COL4A3: variants seen among roughly 807,000 people sequenced by gnomAD.
COL4A3 encodes collagen type IV alpha 3 chain.
In COL4A3, 135 loss-of-function variants were observed where a neutral mutation model predicts 217.4. The observed-to-expected ratio is 0.62, with a 90% CI of 0.54 to 0.72. The LOEUF is 0.72. Ranked by LOEUF, COL4A3 falls within the 30% of genes least tolerant of loss-of-function variation. The probability of loss-of-function intolerance (pLI) is 0.00; values close to 1 mark genes in which losing one functional copy is unlikely to be tolerated. For synonymous variants in COL4A3, 690 were observed against 736.3 expected (o/e 0.94, Z 1.02); for missense variants, 1,868 against 2,119.9 (o/e 0.88, Z 2.33).
chr2:227,165,386 C>T (rs1010468031), intron 1 of COL4A3, among the ~76,000 whole-genome samples: 1 of 152,156 alleles, frequency 6.6e-6, no homozygotes, highest in Non-Finnish European at 1.5e-5. Context: ...ATTAAGAGCA[C>T]CTTAGAAATC....
intron 1 of COL4A3, among the ~76,000 whole-genome samples, chr2:227,222,180 A>AATAATAAT (rs2067844108): frequency 8.1e-6 from 1 of 123,558 alleles, no homozygotes; most frequent in African/African-American, 2.6e-5. Flanking sequence ...ATGATAATAA[A>AATAATAAT]AAGCTCCTTA....
chr2:227,182,953 T>A (rs1188103971), intron 1 of COL4A3, among the ~76,000 whole-genome samples: 1 of 152,222 alleles, frequency 6.6e-6, no homozygotes, highest in Non-Finnish European at 1.5e-5. Flanking sequence ...GTAAATGATT[T>A]ACTTAGGAGT....
In COL4A3 at chr2:227,290,043, G is replaced by C; in HGVS notation, c.3025G>C (p.Gly1009Arg). The change falls in exon 36 of 52, where the codon GGA becomes CGA. Residue 1009 changes from glycine (G) to arginine (R), a missense_variant. By Grantham distance (125) the Gly-to-Arg change is moderately radical. Around this residue, in one of 2 missense-constraint regions of COL4A3, gnomAD observed 1,503 missense variants for 1,786.1 expected, o/e 0.84. Transcript: ENST00000396578. The part of the protein sequence containing the change: ...LGSTGNPGEP[G>R]LRGIPGSMGN... The stretch of plus-strand genomic sequence containing the variant: ...CAGCACTGGGAATCCTGGAGAACCA[G>C]GACTGCGTGGTATACCAGGAAGCAT... The C allele has an allele frequency of 6.2e-7, 1 of 1,614,158 alleles. No individual in the cohort carries two copies. Among genetic ancestry groups the C allele is most frequent in the Non-Finnish European group, 8.5e-7 (1 of 1,180,026 alleles).
chr2:227,261,705 C>G (rs2070579723), intron 20 of COL4A3, among the ~76,000 whole-genome samples: 1 of 152,168 alleles, frequency 6.6e-6, no homozygotes. Context: ...GGAGTATGAG[C>G]AGGGACCTTG....
At chr2:227,254,554 T>C (rs2070027962) in intron 14 of COL4A3, 102 bp from the exon 15 acceptor site, 3 of 946,444 alleles carry the variant, frequency 3.2e-6, no homozygotes, top group South Asian at 2.6e-5. Flanking sequence ...CTGAAACATG[T>C]TTTTAAATGG....
intron 37 of COL4A3, among the ~76,000 whole-genome samples, chr2:227,291,495 G>A (rs2072708579): frequency 7.0e-6 from 1 of 142,504 alleles, no homozygotes; most frequent in African/African-American, 2.6e-5. Context: ...CCTGGGAGGC[G>A]GAGCTTGCAG....
chr2:227,306,987 G>A (rs901265793), intron 47 of COL4A3, among the ~76,000 whole-genome samples: 1 of 152,062 alleles, frequency 6.6e-6, no homozygotes, highest in Non-Finnish European at 1.5e-5. Flanking sequence ...AAGTTAAAGA[G>A]GAATGGAAGA....
intron 1 of COL4A3, among the ~76,000 whole-genome samples, chr2:227,181,646 T>C (rs2065870456): frequency 6.6e-6 from 1 of 152,212 alleles, no homozygotes; most frequent in African/African-American, 2.4e-5. Context: ...ATATGGCATA[T>C]GGTATTACGT....
At chr2:227,240,002 T>C (rs2068927547) in intron 2 of COL4A3, 141 bp from the exon 3 acceptor site, 1 of 819,416 alleles carries the variant, frequency 1.2e-6, no homozygotes, top group East Asian at 2.7e-5. Context: ...TGAGTGCTAA[T>C]TATGATTTTT....
intron 1 of COL4A3, among the ~76,000 whole-genome samples, chr2:227,231,524 AC>A (rs1664774835): frequency 6.6e-6 from 1 of 151,556 alleles, no homozygotes; most frequent in South Asian, 2.1e-4. Context: ...GTATCCAATT[AC>A]CTTTTTTTTT....
In COL4A3 at chr2:227,259,863, C is replaced by T. The variant is rs2070435511; in HGVS notation, c.1100C>T (p.Ala367Val). 1.2e-6 allele frequency: 2 copies of T among 1,612,706 alleles called. No homozygotes were observed. The highest frequency in any genetic ancestry group is 3.3e-5 in the Admixed American group (2 of 60,006). Residue 367 changes from alanine (A) to valine (V), a missense_variant, in exon 19 of 52, where the codon GCT (alanine) becomes GTT (valine). Transcript: ENST00000396578. ...CCAGGCCCACCAGGGCCCAGAGGAGCTCGTGGCCCACAAGGTAAGAATAAA... is the reference window on the plus strand; with the variant it reads ...CCAGGCCCACCAGGGCCCAGAGGAGTTCGTGGCCCACAAGGTAAGAATAAA... ...GTPGPPGPRG[A>V]RGPQGPSGPP...
chr2:227,252,068 C>CAAAAA (rs796320850), intron 11 of COL4A3, among the ~76,000 whole-genome samples: 3 of 34,810 alleles, frequency 8.6e-5, no homozygotes, highest in African/African-American at 1.7e-4. Flanking sequence ...GGCACCATCT[C>CAAAAA]AAAAAAAAAA....
chr2:227,282,297 TATA>T lies in COL4A3; in HGVS notation c.2489-67_2489-65del. Reference sequence around the variant, plus strand: ...AAAAATATATATATATATATATATATATATTTCTGAAGTTAGTAGGGGAAAGCA... The same window carrying T: ...AAAAATATATATATATATATATATATTTTCTGAAGTTAGTAGGGGAAAGCA... On this transcript the variant is annotated intron_variant, in intron 31 of 51. Transcript: ENST00000396578. The surrounding 1 kb of genome is among the most constrained non-coding windows in gnomAD (Gnocchi z 4.4). The T allele has an allele frequency of 6.3e-6, 5 of 791,980 alleles. No homozygotes were observed. In the East Asian group the frequency reaches 1.5e-4, roughly 24 times the overall value. 49.1% of individuals were successfully genotyped at this position (791,980 alleles called of 1,614,324 possible).
intron 1 of COL4A3, among the ~76,000 whole-genome samples, chr2:227,168,184 T>C (rs1041358062): frequency 1.3e-5 from 2 of 152,222 alleles, no homozygotes; most frequent in Admixed American, 1.3e-4. Context: ...CATATTTTGG[T>C]ATATGCACCA....
rs755505644 is a variant in COL4A3, at chr2:227,253,634, G to C, written c.761G>C (p.Arg254Thr). The stretch of plus-strand genomic sequence containing the variant: ...GTGACCCTAACTGGCCCAGATAACA[G>C]AACGGTAACTCTGCGATTTTATGAT... ...VIVTLTGPDN[R>T]TDLKGEKGDK... Residue 254 changes from arginine to threonine, a missense_variant, in exon 13 of 52, where the codon AGA (arginine) becomes ACA (threonine). Arg to Thr is a moderately conservative substitution (Grantham distance 71). This residue lies in a region of COL4A3 where 365 missense variants were observed against 333.8 expected (regional missense o/e 1.09). Transcript: ENST00000396578. This position sits in a 1 kb window ranked among gnomAD's most constrained non-coding sequence, Gnocchi z 4.4. The C allele has an allele frequency of 6.2e-7, 1 of 1,613,632 alleles. No individual in the cohort carries two copies. The highest frequency in any genetic ancestry group is 8.5e-7 in the Non-Finnish European group (1 of 1,179,700).
intron 34 of COL4A3, 67 bp from the exon 35 acceptor site, chr2:227,289,083 T>G: frequency 8.1e-7 from 1 of 1,230,174 alleles, no homozygotes; most frequent in Non-Finnish European, 1.2e-6. Context: ...CCCACGTAGC[T>G]GGGATTACAG....
rs1300695726 is a variant in COL4A3 at position 227,312,898 on chromosome 2, CT to C, written c.*1031del. The C allele has an allele frequency of 6.7e-6, 1 of 149,594 alleles. No individual in the cohort carries two copies. The highest frequency in any genetic ancestry group is 1.5e-5 in the Non-Finnish European group (1 of 67,564). The allele number at this position is 149,594 out of a possible 1,614,324, so 9.3% of individuals were successfully genotyped here. Reference sequence around the variant, plus strand: ...CACTCTAGGTTTTACAGATTTATTCCTTTGTTACTTCTCTAATTCTTCCTTT... The same window carrying C: ...CACTCTAGGTTTTACAGATTTATTCCTTGTTACTTCTCTAATTCTTCCTTT... On this transcript the variant is annotated 3_prime_UTR_variant, in exon 52 of 52. Transcript: ENST00000396578.
At chr2:227,202,422 A>G (rs965565541) in intron 1 of COL4A3, among the ~76,000 whole-genome samples, 6 of 152,126 alleles carry the variant, frequency 3.9e-5, no homozygotes, top group Non-Finnish European at 8.8e-5. Flanking sequence ...GTGAACTGAT[A>G]ATGCTGGTAT....
chr2:227,246,380 T>A (rs2069339643), intron 6 of COL4A3: 4 of 508,946 alleles, frequency 7.9e-6, no homozygotes, highest in Non-Finnish European at 1.4e-5. Flanking sequence ...GAGCTCTCCT[T>A]TTCTCCAGAA....
Sources: gnomAD v4.1 joint callset for allele counts (sites outside exome capture counted in the v4.1 genomes callset) on GRCh38, gnomAD v4.1.1 for gene constraint, gnomAD v4.1.1 regional missense constraint, Gnocchi (gnomAD v3.1) non-coding constraint, MANE v1.5 for transcripts, NCBI Gene and HGNC (gene_info 2026-07-23, HGNC 2026-07-21) for gene names.